Variants in CCDC93 observed in about 807,000 individuals in gnomAD.
The protein encoded by CCDC93 is coiled-coil domain-containing protein 93.
CCDC93 carries 61 observed loss-of-function variants against 108.2 expected under a neutral mutation model. That is an observed-to-expected ratio of 0.56 (90% confidence interval 0.46 to 0.70). CCDC93 has a LOEUF of 0.70. Among genes scored for constraint, CCDC93 ranks in the 30% least tolerant of loss-of-function variants. The pLI is 0.00. For synonymous variants in CCDC93, 276 were observed against 260.4 expected (o/e 1.06, Z -0.58); for missense variants, 685 against 764.2 (o/e 0.90, Z 1.22).
intron 11 of CCDC93, among the ~76,000 whole-genome samples, chr2:117,966,725 C>A (rs1679592392): frequency 6.6e-6 from 1 of 152,220 alleles, no homozygotes; most frequent in Admixed American, 6.5e-5. Flanking sequence ...CATACCCAAG[C>A]TCTAATTATC....
chr2:117,925,630 T>C (rs994478648), intron 23 of CCDC93, among the ~76,000 whole-genome samples: 8 of 152,148 alleles, frequency 5.3e-5, no homozygotes, highest in East Asian at 1.9e-4. Context: ...AGCAAGTCCT[T>C]AGAGACCTAC....
chr2:117,918,972 C>T lies in CCDC93; in HGVS notation c.*1371G>A, dbSNP rs1677777683. 1 of 152,242 alleles carries T rather than the reference C, an allele frequency of 6.6e-6. No homozygotes were observed. Among genetic ancestry groups the T allele is most frequent in the Non-Finnish European group, 1.5e-5 (1 of 68,044 alleles). 9.4% of individuals were successfully genotyped at this position (152,242 alleles called of 1,614,324 possible). On this transcript the variant is annotated 3_prime_UTR_variant, in exon 24 of 24. Coordinates refer to ENST00000376300, the MANE Select transcript of CCDC93 (RefSeq NM_019044.5). ...ACTAAAAATGAACACATTTCTGTGG[C>T]TGCTGAATGCCCCACTTGCTTGACA...
At chr2:117,928,665 C>CT (rs1276880868) in intron 23 of CCDC93, among the ~76,000 whole-genome samples, 3 of 152,160 alleles carry the variant, frequency 2.0e-5, no homozygotes, top group African/African-American at 7.2e-5. Flanking sequence ...GTTGGTGGGA[C>CT]TGTAAACTAG....
chr2:118,007,163 T>G (rs1274321320), intron 2 of CCDC93, among the ~76,000 whole-genome samples: 2 of 152,236 alleles, frequency 1.3e-5, no homozygotes, highest in Non-Finnish European at 2.9e-5. Context: ...ATCCTCTTTA[T>G]AGTCAAAAGG....
At chr2:118,008,890 G>A (rs936476751) in intron 1 of CCDC93, 2 of 494,848 alleles carry the variant, frequency 4.0e-6, no homozygotes, top group East Asian at 3.6e-5. Context: ...CATAGCTGAG[G>A]GAGACACATG....
intron 17 of CCDC93, chr2:117,944,944 G>C: frequency 2.6e-6 from 1 of 381,342 alleles, no homozygotes. Context: ...GTTTAACTCA[G>C]AAGTGGGTGG....
chr2:117,991,672 G>A lies in CCDC93; in HGVS notation c.519+3774C>T, dbSNP rs547363639. On this transcript the variant is annotated intron_variant, in intron 6 of 23. Coordinates refer to ENST00000376300, the MANE Select transcript of CCDC93 (RefSeq NM_019044.5). ...TGCCTATTGAGATGCCAAGCACCTG[G>A]TAAGCACTTAATAAATACACAGCAG... Among the ~76,000 whole-genome samples the A allele has an allele frequency of 1.8e-4, 28 of 152,250 alleles. No homozygotes were observed. In the South Asian group the frequency reaches 5.6e-3, roughly 30 times the overall value.
At chr2:117,925,507 G>A (rs904806533) in intron 23 of CCDC93, among the ~76,000 whole-genome samples, 2 of 152,148 alleles carry the variant, frequency 1.3e-5, no homozygotes, top group Non-Finnish European at 2.9e-5. Flanking sequence ...AACCGACAAA[G>A]ATCAAAAGAC....
chr2:117,997,460 A>G (rs902104495), intron 4 of CCDC93: 1 of 152,234 alleles, frequency 6.6e-6, no homozygotes, highest in Non-Finnish European at 1.5e-5. Flanking sequence ...CCAACAGCAT[A>G]TCACACTTGG....
intron 19 of CCDC93, 93 bp downstream of exon 19, chr2:117,941,096 G>A: frequency 1.1e-6 from 1 of 874,394 alleles, no homozygotes; most frequent in South Asian, 1.4e-5. Context: ...TGTGGACTGT[G>A]CTCTGGTGCA....
chr2:117,920,281 T>G lies in CCDC93; in HGVS notation c.*62A>C, dbSNP rs551845085. The G allele has an allele frequency of 1.0e-5, 11 of 1,099,606 alleles. No homozygotes were observed. 68.1% of individuals were successfully genotyped at this position (1,099,606 alleles called of 1,614,324 possible). A position where few individuals can be genotyped will look rare whatever the true frequency, so the allele number is the denominator to read the frequency against. On this transcript the variant is annotated 3_prime_UTR_variant, in exon 24 of 24. Transcript: ENST00000376300. The stretch of plus-strand genomic sequence containing the variant: ...TCGCTTTCAGAACCATTTCATGATC[T>G]TGTAGGTGATATACGGTGCTTAAAA...
intron 18 of CCDC93, among the ~76,000 whole-genome samples, chr2:117,942,012 TGCA>T (rs1678717053): frequency 6.6e-6 from 1 of 152,230 alleles, no homozygotes; most frequent in Non-Finnish European, 1.5e-5. Context: ...CTGCTTTGCC[TGCA>T]GCAGCAGATG....
intron 20 of CCDC93, among the ~76,000 whole-genome samples, chr2:117,937,698 C>T (rs542809430): frequency 6.6e-6 from 1 of 152,290 alleles, no homozygotes; most frequent in South Asian, 2.1e-4. Context: ...ATCCCTAAGT[C>T]AGGGTTGGCA....
chr2:117,988,354 T>C (rs1194611788), intron 6 of CCDC93, among the ~76,000 whole-genome samples: 4 of 152,162 alleles, frequency 2.6e-5, no homozygotes, highest in Non-Finnish European at 1.5e-5. Flanking sequence ...CACAGTACCA[T>C]GGCAGTGTCT....
intron 11 of CCDC93, among the ~76,000 whole-genome samples, chr2:117,970,033 C>G (rs184740472): frequency 6.6e-6 from 1 of 152,132 alleles, no homozygotes; most frequent in Non-Finnish European, 1.5e-5. Flanking sequence ...GCAATATACC[C>G]AACTTGTTCA....
At position 117,966,271 on chromosome 2, in the gene CCDC93, C is replaced by A. The variant is rs550892883; in HGVS notation, c.888+7637G>T. On this transcript the variant is annotated intron_variant, in intron 11 of 23. Transcript: ENST00000376300. ...GAGAAATCTGTGACCTAAGCCATGACAGACAGAGGACAGTCCTTCCTTAGG... is the reference window on the plus strand; with the variant it reads ...GAGAAATCTGTGACCTAAGCCATGAAAGACAGAGGACAGTCCTTCCTTAGG... Among the ~76,000 whole-genome samples the A allele has an allele frequency of 9.2e-5, 14 of 152,332 alleles. No homozygotes were observed. In the South Asian group the frequency reaches 2.9e-3, roughly 32 times the overall value.
intron 5 of CCDC93, chr2:117,995,734 A>C (rs1270066834): frequency 4.4e-6 from 2 of 454,282 alleles, no homozygotes; most frequent in Non-Finnish European, 4.0e-6. Context: ...GGTCATAAGG[A>C]ATAGTGCTTA....
At chr2:117,922,607 G>A (rs943282282) in intron 23 of CCDC93, among the ~76,000 whole-genome samples, 5 of 152,092 alleles carry the variant, frequency 3.3e-5, no homozygotes, top group Non-Finnish European at 5.9e-5. Flanking sequence ...AACCGCTAAG[G>A]TGGCAAAAAA....
chr2:117,947,805 T>C (rs1047210457), intron 15 of CCDC93, among the ~76,000 whole-genome samples: 1 of 150,818 alleles, frequency 6.6e-6, no homozygotes, highest in Non-Finnish European at 1.5e-5. Context: ...GCCATTCTCC[T>C]GCCTCAGCCT....
Sources: allele counts gnomAD v4.1 joint callset (sites outside exome capture counted in the v4.1 genomes callset), GRCh38; gene constraint gnomAD v4.1.1; transcripts MANE v1.5; gene names NCBI Gene and HGNC (gene_info 2026-07-23, HGNC 2026-07-21).